Variants in ZEB1 observed in about 807,000 individuals in gnomAD.
The protein encoded by ZEB1 is zinc finger E-box-binding homeobox 1.
A neutral mutation model predicts 84.9 loss-of-function variants in ZEB1; 21 were observed. The observed-to-expected ratio is 0.25, with a 90% CI of 0.18 to 0.36. ZEB1 has a LOEUF of 0.36. Ranked by LOEUF, ZEB1 falls within the 10% of genes least tolerant of loss-of-function variation. The probability of loss-of-function intolerance (pLI) is 1.00; values close to 1 mark genes in which losing one functional copy is unlikely to be tolerated. For missense variants in ZEB1, 1,104 were observed against 1,330.2 expected (o/e 0.83, Z 2.65); for synonymous variants, 420 against 471.1 (o/e 0.89, Z 1.41).
chr10:31,325,231 A>C lies in ZEB1; in HGVS notation c.58+5939A>C, dbSNP rs1432182989. ...ACAACTTAATTTTTAGAACTTCATT[A>C]ATTTTGTTAAAGCATATTTTTGGAT... On this transcript the variant is annotated intron_variant, in intron 1 of 8. Coordinates refer to ENST00000424869, the MANE Select transcript of ZEB1 (RefSeq NM_001174096.2). 2.6e-5 allele frequency among the ~76,000 whole-genome samples: 4 copies of C among 152,172 alleles called. 1 individual carries two copies. The highest frequency in any genetic ancestry group is 2.0e-4 in the Admixed American group (3 of 15,286).
chr10:31,374,660 C>T (rs918995213), intron 1 of ZEB1: 1 of 151,746 alleles, frequency 6.6e-6, no homozygotes, highest in African/African-American at 2.4e-5. Context: ...AGAACCTACA[C>T]ATTTATTTAT....
chr10:31,322,272 C>A (rs1267741068), intron 1 of ZEB1, among the ~76,000 whole-genome samples: 1 of 152,160 alleles, frequency 6.6e-6, no homozygotes, highest in Admixed American at 6.6e-5. Context: ...TATTTCTTAG[C>A]AGTGCAGTCA....
At chr10:31,329,692 T>C (rs916032006) in intron 1 of ZEB1, among the ~76,000 whole-genome samples, 12 of 152,160 alleles carry the variant, frequency 7.9e-5, no homozygotes, top group Admixed American at 2.0e-4. Flanking sequence ...AGAGTTCTGG[T>C]TGTTCCACAT....
chr10:31,366,387 C>G (rs941429853), intron 1 of ZEB1, among the ~76,000 whole-genome samples: 4 of 152,180 alleles, frequency 2.6e-5, no homozygotes, highest in Non-Finnish European at 4.4e-5. Flanking sequence ...CTCCTGGACT[C>G]AAGTGATCCT....
chr10:31,389,415 C>T (rs976219695), intron 1 of ZEB1, among the ~76,000 whole-genome samples: 1 of 152,038 alleles, frequency 6.6e-6, no homozygotes, highest in East Asian at 1.9e-4. Context: ...GATCAGGTTT[C>T]TGATTTGTCT....
rs779900544 is a variant in ZEB1 at position 31,319,303 on chromosome 10, G to A, written c.58+11G>A. On this transcript the variant is annotated intron_variant, in intron 1 of 8. Transcript: ENST00000424869. ...CGCGGCGCAATAACGGTGAGTGGCG[G>A]AGGGGACCGGGGAGCGGCGGAGTCA... 2.5e-6 allele frequency: 4 copies of A among 1,605,870 alleles called. No individual in the cohort carries two copies. In the South Asian group the frequency reaches 3.4e-5, roughly 13 times the overall value.
At chr10:31,344,537 C>A (rs1271367577) in intron 1 of ZEB1, among the ~76,000 whole-genome samples, 1 of 152,096 alleles carries the variant, frequency 6.6e-6, no homozygotes, top group Non-Finnish European at 1.5e-5. Context: ...AGGCTCACTT[C>A]AATTTCCCCA....
At chr10:31,337,408 C>T (rs1192538572) in intron 1 of ZEB1, among the ~76,000 whole-genome samples, 1 of 151,038 alleles carries the variant, frequency 6.6e-6, no homozygotes, top group Non-Finnish European at 1.5e-5. Context: ...CTTATTATAC[C>T]TTAAATTTAT....
chr10:31,319,351 G>A, intron 1 of ZEB1, 59 bp downstream of exon 1: 1 of 1,550,770 alleles, frequency 6.4e-7, no homozygotes, highest in South Asian at 1.2e-5. Flanking sequence ...CAGCCGGGGC[G>A]CCCCCGGGGG....
At chr10:31,519,985 T>C in intron 6 of ZEB1, 141 bp from the exon 7 acceptor site, 1 of 1,133,092 alleles carries the variant, frequency 8.8e-7, no homozygotes. Flanking sequence ...CTAAAAAGTT[T>C]ATTCTAAATA....
At chr10:31,380,100 G>A (rs1441435534) in intron 1 of ZEB1, among the ~76,000 whole-genome samples, 1 of 152,112 alleles carries the variant, frequency 6.6e-6, no homozygotes, top group Non-Finnish European at 1.5e-5. Context: ...GCATTTGGTT[G>A]TTTGGACTGC....
chr10:31,488,517 CTGTT>C (rs2066045329), intron 2 of ZEB1, among the ~76,000 whole-genome samples: 1 of 144,328 alleles, frequency 6.9e-6, no homozygotes, highest in African/African-American at 2.7e-5. Flanking sequence ...TTTTGTCTCA[CTGTT>C]TTTTTTTTTA....
chr10:31,318,914 C>G, upstream of ZEB1: 1 of 432,900 alleles, frequency 2.3e-6, no homozygotes, highest in Non-Finnish European at 4.3e-6. Flanking sequence ...CTCCGACAGC[C>G]CGTCGCCTTT....
chr10:31,430,387 A>T (rs1424701326), intron 1 of ZEB1, among the ~76,000 whole-genome samples: 2 of 152,138 alleles, frequency 1.3e-5, no homozygotes, highest in African/African-American at 4.8e-5. Context: ...TTCTCCCATT[A>T]TATGTGAGGA....
chr10:31,362,387 C>G (rs538134845), intron 1 of ZEB1, among the ~76,000 whole-genome samples: 22 of 149,346 alleles, frequency 1.5e-4, no homozygotes, highest in African/African-American at 5.5e-4. Context: ...AGAGGCACTC[C>G]TCGCTTCCCA....
intron 1 of ZEB1, among the ~76,000 whole-genome samples, chr10:31,347,502 G>T (rs1222524469): frequency 1.3e-5 from 2 of 152,144 alleles, no homozygotes; most frequent in African/African-American, 4.8e-5. Flanking sequence ...GAGCCACCAT[G>T]CCTGGGTAAG....
chr10:31,347,510 A>G (rs1306875030), intron 1 of ZEB1, among the ~76,000 whole-genome samples: 1 of 152,164 alleles, frequency 6.6e-6, no homozygotes, highest in Non-Finnish European at 1.5e-5. Context: ...ATGCCTGGGT[A>G]AGATCTAATG....
chr10:31,337,696 T>C (rs2038457333), intron 1 of ZEB1, among the ~76,000 whole-genome samples: 3 of 146,660 alleles, frequency 2.0e-5, no homozygotes, highest in East Asian at 3.9e-4. Context: ...TTTTTTTTTT[T>C]TTTTTTTTTG....
intron 1 of ZEB1, among the ~76,000 whole-genome samples, chr10:31,394,195 T>C (rs375085864): frequency 3.4e-4 from 52 of 152,124 alleles, no homozygotes; most frequent in African/African-American, 1.2e-3. Flanking sequence ...CAAGGTGGTG[T>C]TTTGAGCTAA....
Sources: allele counts gnomAD v4.1 joint callset (sites outside exome capture counted in the v4.1 genomes callset), GRCh38; gene constraint gnomAD v4.1.1; transcripts MANE v1.5; gene names NCBI Gene and HGNC (gene_info 2026-07-23, HGNC 2026-07-21).